The following NFILZ variants were observed in gnomAD, a reference collection of about 807,000 sequenced individuals.
The protein encoded by NFILZ is NFIL3 like protein.
chr19:8,654,245 CAA>C (rs1209695186), intron 3 of NFILZ, among the ~76,000 whole-genome samples: 1 of 144,908 alleles, frequency 6.9e-6, no homozygotes, highest in African/African-American at 2.7e-5. Context: ...AACAAACAAA[CAA>C]AAACAAACAA....
At position 8,680,004 on chromosome 19, in the gene NFILZ, T is replaced by A. The variant is rs1350775021; in HGVS notation, c.*2369T>A. Among the ~76,000 whole-genome samples the A allele has an allele frequency of 6.6e-6, 1 of 151,970 alleles. No homozygotes were observed. On this transcript the variant is annotated 3_prime_UTR_variant, in exon 6 of 6. Coordinates refer to ENST00000691075, the MANE Select transcript of NFILZ (RefSeq NM_001378600.1). ...TGAGGTCAGGAGTTCGAGACCAGCC[T>A]GGCCAACATGATGAAGCCCCGTCTC... is the stretch of plus-strand genomic sequence containing the variant.
chr19:8,667,770 T>G (rs1411622806), intron 3 of NFILZ, among the ~76,000 whole-genome samples: 2 of 152,016 alleles, frequency 1.3e-5, no homozygotes, highest in Non-Finnish European at 2.9e-5. Context: ...GGTCTCGAAC[T>G]CCTGACCTCA....
chr19:8,655,120 C>A (rs62121177), intron 3 of NFILZ, among the ~76,000 whole-genome samples: 11,983 of 152,196 alleles, frequency 0.079, 630 homozygotes, highest in African/African-American at 0.15. Flanking sequence ...TCAGTTTCCC[C>A]TGATGCAGAG....
At chr19:8,638,830 G>C (rs1415076351) in intron 3 of NFILZ, among the ~76,000 whole-genome samples, 1 of 151,304 alleles carries the variant, frequency 6.6e-6, no homozygotes, top group Non-Finnish European at 1.5e-5. Context: ...CCTGAAGCAG[G>C]AATTTACTTT....
At chr19:8,658,965 G>T (rs1275096872) in intron 3 of NFILZ, among the ~76,000 whole-genome samples, 1 of 150,002 alleles carries the variant, frequency 6.7e-6, no homozygotes, top group Non-Finnish European at 1.5e-5. Flanking sequence ...AAATTTAAAG[G>T]CTGGTTGCCG....
rs113168284 is a variant in NFILZ at position 8,639,139 on chromosome 19, C to A, written c.-164+3393C>A. On this transcript the variant is annotated intron_variant, in intron 3 of 5. Transcript: ENST00000691075. ...GATTGCAGGTGTCAGCCACTGAGCC[C>A]GGCCTACTTGGCTGTTTAAGGAACA... 3.6e-3 allele frequency among the ~76,000 whole-genome samples: 550 copies of A among 152,174 alleles called. 1 individual carries two copies. The highest frequency in any genetic ancestry group is 0.012 in the African/African-American group (517 of 41,514).
In NFILZ at chr19:8,654,299, T is replaced by C. The variant is rs1053845378; in HGVS notation, c.-164+18553T>C. Among the ~76,000 whole-genome samples the C allele has an allele frequency of 5.3e-5, 7 of 132,048 alleles. No individual in the cohort carries two copies. The East Asian group carries it at 1.5e-3, about 29-fold the overall frequency. 86.6% of individuals were successfully genotyped at this position (132,048 alleles called of 152,430 possible). On this transcript the variant is annotated intron_variant, in intron 3 of 5. Transcript: ENST00000691075. ...ACCAAAAACCAAAAACAAAAACCACTTTTACCCCAAAAGCTACTGAAAAAA... is the reference window on the plus strand; with the variant it reads ...ACCAAAAACCAAAAACAAAAACCACCTTTACCCCAAAAGCTACTGAAAAAA...
At chr19:8,647,671 A>G (rs537150441) in intron 3 of NFILZ, among the ~76,000 whole-genome samples, 4 of 151,760 alleles carry the variant, frequency 2.6e-5, no homozygotes, top group Admixed American at 2.6e-4. Context: ...AACCAGGAAC[A>G]GAAAACCAAA....
rs1196556519 is a variant in NFILZ, at chr19:8,674,563, C to A, written c.-151C>A. ...TTTTTTTTTGCAGGATTTCTCAGAG[C>A]CTTCAATGTACTTTGTGATTCTCCT... On this transcript the variant is annotated 5_prime_UTR_variant, in exon 4 of 6. Transcript: ENST00000691075. Among the ~76,000 whole-genome samples the A allele has an allele frequency of 1.3e-5, 2 of 149,940 alleles. No individual in the cohort carries two copies. Among genetic ancestry groups the A allele is most frequent in the African/African-American group, 4.9e-5 (2 of 40,426 alleles).
chr19:8,636,531 G>T (rs1326336817), intron 3 of NFILZ, among the ~76,000 whole-genome samples: 2 of 145,216 alleles, frequency 1.4e-5, no homozygotes, highest in African/African-American at 2.5e-5. Flanking sequence ...CGCAACCTCT[G>T]CCTCCTGGGT....
chr19:8,672,119 C>G (rs2043089727), intron 3 of NFILZ, among the ~76,000 whole-genome samples: 2 of 151,934 alleles, frequency 1.3e-5, no homozygotes, highest in Admixed American at 1.3e-4. Flanking sequence ...TAGTTCATTC[C>G]AAAAAGATAT....
intron 3 of NFILZ, among the ~76,000 whole-genome samples, chr19:8,663,748 G>GTA (rs1227521950): frequency 0.12 from 17,197 of 138,788 alleles, 1,248 homozygotes; most frequent in South Asian, 0.22. Context: ...GTGTGTGTGT[G>GTA]TGTGTGTGTG....
Position 8,679,933 on chromosome 19 carries a change from C to G in NFILZ, c.*2298C>G, listed in dbSNP as rs1176688280. On this transcript the variant is annotated 3_prime_UTR_variant, in exon 6 of 6. Coordinates refer to ENST00000691075, the MANE Select transcript of NFILZ (RefSeq NM_001378600.1). Reference sequence around the variant, plus strand: ...ATCCTGGAGGGCAAGGTGGCTCATGCCTGTAATCCTAGCACTTTGGGAGGC... The same window carrying G: ...ATCCTGGAGGGCAAGGTGGCTCATGGCTGTAATCCTAGCACTTTGGGAGGC... Among the ~76,000 whole-genome samples, 1 of 152,120 alleles carries G rather than the reference C, an allele frequency of 6.6e-6. No homozygotes were observed. Among genetic ancestry groups the G allele is most frequent in the Non-Finnish European group, 1.5e-5 (1 of 68,026 alleles).
intron 3 of NFILZ, among the ~76,000 whole-genome samples, chr19:8,659,140 G>A (rs2043018349): frequency 6.6e-6 from 1 of 151,348 alleles, no homozygotes; most frequent in Non-Finnish European, 1.5e-5. Flanking sequence ...CCAGCTACTC[G>A]GGAGGCTGAG....
intron 3 of NFILZ, among the ~76,000 whole-genome samples, chr19:8,642,677 G>A (rs2042923943): frequency 6.6e-6 from 1 of 152,106 alleles, no homozygotes; most frequent in Non-Finnish European, 1.5e-5. Flanking sequence ...CATTCCCATG[G>A]TGGTTGCAGA....
intron 2 of NFILZ, among the ~76,000 whole-genome samples, chr19:8,635,172 T>C (rs1230094699): frequency 4.0e-5 from 6 of 151,756 alleles, no homozygotes; most frequent in African/African-American, 1.5e-4. Flanking sequence ...TAGCCGGGCA[T>C]GGTGGTGGGC....
rs1442763502 is a variant in NFILZ at position 8,678,395 on chromosome 19, C to T, written c.*760C>T. Among the ~76,000 whole-genome samples, 1 of 151,450 alleles carries T rather than the reference C, an allele frequency of 6.6e-6. No homozygotes were observed. Among genetic ancestry groups the T allele is most frequent in the Non-Finnish European group, 1.5e-5 (1 of 67,826 alleles). On this transcript the variant is annotated 3_prime_UTR_variant, in exon 6 of 6. Coordinates refer to ENST00000691075, the MANE Select transcript of NFILZ (RefSeq NM_001378600.1). The stretch of plus-strand genomic sequence containing the variant: ...ATCCATCCATCCATTCATTCATCCA[C>T]CCATCCACCTATCTATGCATGCATC...
chr19:8,656,293 C>CCACCTCCTCCCGCAGCG (rs1309625417), intron 3 of NFILZ, among the ~76,000 whole-genome samples: 1 of 146,044 alleles, frequency 6.8e-6, no homozygotes, highest in Non-Finnish European at 1.5e-5. Flanking sequence ...TCCCCACAGC[C>CCACCTCCTCCCGCAGCG]CACCTCCTCC....
intron 3 of NFILZ, among the ~76,000 whole-genome samples, chr19:8,650,653 CAA>C (rs201551767): frequency 0.032 from 3,509 of 108,266 alleles, 111 homozygotes; most frequent in African/African-American, 0.11. Context: ...GATTCTGTCT[CAA>C]AAAAAAAAAA....
Sources: gnomAD v4.1 joint callset for allele counts (sites outside exome capture counted in the v4.1 genomes callset) on GRCh38, gnomAD v4.1.1 for gene constraint, MANE v1.5 for transcripts, NCBI Gene and HGNC (gene_info 2026-07-23, HGNC 2026-07-21) for gene names.